DAB1: variants seen among roughly 807,000 people sequenced by gnomAD.
The protein encoded by DAB1 is disabled homolog 1.
In DAB1, 15 loss-of-function variants were observed where a neutral mutation model predicts 64.6. That is an observed-to-expected ratio of 0.23 (90% CI 0.16 to 0.36). DAB1 has a LOEUF of 0.36. Ranked by LOEUF, DAB1 falls within the 10% of genes least tolerant of loss-of-function variation. DAB1 has a pLI of 1.00. For missense variants in DAB1, 596 were observed against 706.7 expected, an observed-to-expected ratio of 0.84 and a Z score of 1.78; for synonymous variants, 235 against 251.9, an observed-to-expected ratio of 0.93 and a Z score of 0.64.
At chr1:58,054,432 C>A (rs1452679780) in intron 5 of DAB1, among the ~76,000 whole-genome samples, 1 of 152,190 alleles carries the variant, frequency 6.6e-6, no homozygotes, top group Non-Finnish European at 1.5e-5. Flanking sequence ...AACAGACATG[C>A]ATGGGGACAA....
chr1:57,073,602 C>G (rs1651711358), intron 4 of DAB1, among the ~76,000 whole-genome samples: 1 of 152,096 alleles, frequency 6.6e-6, no homozygotes, highest in Non-Finnish European at 1.5e-5. Context: ...TTTCATTATA[C>G]TGGGTATCAG....
At chr1:58,471,605 C>A (rs2100330953) in intron 3 of DAB1, among the ~76,000 whole-genome samples, 1 of 152,262 alleles carries the variant, frequency 6.6e-6, no homozygotes, top group East Asian at 1.9e-4. Flanking sequence ...ATCCCCAATC[C>A]CCTTTTTGGA....
chr1:57,863,593 A>G (rs564329442), intron 1 of DAB1, among the ~76,000 whole-genome samples: 1 of 152,154 alleles, frequency 6.6e-6, no homozygotes. Context: ...TTGGTAATGA[A>G]TGCCACAAGG....
chr1:57,869,492 T>A (rs909001046), intron 1 of DAB1, among the ~76,000 whole-genome samples: 1 of 151,880 alleles, frequency 6.6e-6, no homozygotes, highest in Non-Finnish European at 1.5e-5. Flanking sequence ...GCTCTTTCTG[T>A]GAAAGAGGAG....
intron 4 of DAB1, among the ~76,000 whole-genome samples, chr1:58,223,153 T>A (rs1386106903): frequency 6.6e-6 from 1 of 152,202 alleles, no homozygotes; most frequent in African/African-American, 2.4e-5. Context: ...ACACTCTCCA[T>A]GTATGAACAA....
chr1:57,246,959 T>C (rs555679480), intron 2 of DAB1, among the ~76,000 whole-genome samples: 64 of 152,340 alleles, frequency 4.2e-4, no homozygotes, highest in Non-Finnish European at 7.8e-4. Flanking sequence ...TGTACCCCCA[T>C]TGTATCTTGG....
chr1:57,666,821 A>G (rs536322637), intron 6 of DAB1, among the ~76,000 whole-genome samples: 1 of 145,376 alleles, frequency 6.9e-6, no homozygotes, highest in Admixed American at 6.9e-5. Context: ...ATTCTCAACA[A>G]TGCAGCTAGG....
chr1:58,476,672 G>T (rs112761588), intron 3 of DAB1, among the ~76,000 whole-genome samples: 4,610 of 152,238 alleles, frequency 0.03, 219 homozygotes, highest in African/African-American at 0.1. Flanking sequence ...CATGTTATGA[G>T]GTGATTAACA....
chr1:57,265,093 C>T (rs1670487298), intron 2 of DAB1, among the ~76,000 whole-genome samples: 1 of 152,192 alleles, frequency 6.6e-6, no homozygotes, highest in Non-Finnish European at 1.5e-5. Flanking sequence ...GAGTAGGGAA[C>T]AGCAGCCCCA....
At chr1:58,447,950 G>A (rs1645089538) in intron 3 of DAB1, among the ~76,000 whole-genome samples, 1 of 151,856 alleles carries the variant, frequency 6.6e-6, no homozygotes, top group African/African-American at 2.4e-5. Context: ...TCCAGAACCA[G>A]GTTTTCTCAT....
At chr1:58,141,498 A>G (rs932197913) in intron 5 of DAB1, among the ~76,000 whole-genome samples, 3 of 152,160 alleles carry the variant, frequency 2.0e-5, no homozygotes, top group African/African-American at 7.2e-5. Context: ...GCGTAGGGAC[A>G]CAGCCAAACC....
At chr1:57,121,401 T>C (rs948965824) in intron 4 of DAB1, among the ~76,000 whole-genome samples, 2 of 151,870 alleles carry the variant, frequency 1.3e-5, no homozygotes, top group Non-Finnish European at 2.9e-5. Flanking sequence ...AGATGTCTTT[T>C]GGTATCTGCA....
intron 1 of DAB1, among the ~76,000 whole-genome samples, chr1:58,542,789 C>T (rs1224505300): frequency 6.6e-6 from 1 of 152,118 alleles, no homozygotes; most frequent in South Asian, 2.1e-4. Flanking sequence ...TTTTAGGGGA[C>T]AGGCTTAGAC....
At chr1:57,875,731 T>A (rs1644033623) in intron 1 of DAB1, among the ~76,000 whole-genome samples, 1 of 152,188 alleles carries the variant, frequency 6.6e-6, no homozygotes. Flanking sequence ...TCAAATTCTA[T>A]CCAGGTTGCC....
At chr1:57,858,741 G>T (rs1653871193) in intron 1 of DAB1, among the ~76,000 whole-genome samples, 1 of 149,912 alleles carries the variant, frequency 6.7e-6, no homozygotes, top group South Asian at 2.2e-4. Context: ...CTTCAAATTG[G>T]GCTCCCTGAG....
intron 4 of DAB1, among the ~76,000 whole-genome samples, chr1:57,108,821 C>T (rs963226755): frequency 4.6e-5 from 7 of 152,096 alleles, no homozygotes; most frequent in Admixed American, 3.3e-4. Context: ...GTACCTTCTG[C>T]AATGTGTTTC....
At chr1:57,091,040 TGCATTATAGCAGTTTC>T (rs1653623663) in intron 4 of DAB1, among the ~76,000 whole-genome samples, 2 of 152,144 alleles carry the variant, frequency 1.3e-5, no homozygotes, top group South Asian at 4.1e-4. Flanking sequence ...CAAACTGCTA[TGCATTATAGCAGTTTC>T]AAGCCAAGTT....
chr1:57,647,267 A>G (rs940923267), intron 7 of DAB1, among the ~76,000 whole-genome samples: 8 of 152,270 alleles, frequency 5.3e-5, no homozygotes, highest in African/African-American at 1.9e-4. Flanking sequence ...AATAACCTTC[A>G]AACATCGCCT....
chr1:57,708,431 C>G (rs934075656), intron 6 of DAB1, among the ~76,000 whole-genome samples: 1 of 152,218 alleles, frequency 6.6e-6, no homozygotes, highest in Non-Finnish European at 1.5e-5. Context: ...GGAGGTGATG[C>G]AGGCAGTCTC....
Sources: gnomAD v4.1 joint callset for allele counts (sites outside exome capture counted in the v4.1 genomes callset) on GRCh38, gnomAD v4.1.1 for gene constraint, MANE v1.5 for transcripts, NCBI Gene and HGNC (gene_info 2026-07-23, HGNC 2026-07-21) for gene names.